Variants in CCDC28A observed in about 807,000 individuals in gnomAD.
CCDC28A encodes the protein coiled-coil domain containing 28A, also known as coiled-coil domain-containing protein 28A.
A neutral mutation model predicts 22.1 loss-of-function variants in CCDC28A; 24 were observed. The ratio of observed to expected loss-of-function variants is 1.09; its 90% CI spans 0.79 to 1.53. CCDC28A has a LOEUF of 1.53. CCDC28A is among the 40% of genes most tolerant of loss of function. The pLI, the probability that CCDC28A is intolerant of heterozygous loss-of-function variation, is 0.00. For synonymous variants in CCDC28A, 83 were observed against 74.7 expected, an observed-to-expected ratio of 1.11 and a Z score of -0.57; for missense variants, 170 against 210.7, an observed-to-expected ratio of 0.81 and a Z score of 1.20.
At chr6:138,783,794 C>G (rs1775055291) in intron 3 of CCDC28A, among the ~76,000 whole-genome samples, 1 of 151,376 alleles carries the variant, frequency 6.6e-6, no homozygotes, top group African/African-American at 2.4e-5. Flanking sequence ...TCTTGAACTC[C>G]TGGACTCAAG....
intron 3 of CCDC28A, among the ~76,000 whole-genome samples, chr6:138,781,222 A>T (rs1353375185): frequency 6.6e-6 from 1 of 152,184 alleles, no homozygotes; most frequent in Non-Finnish European, 1.5e-5. Flanking sequence ...AATCTCTCTA[A>T]TGCACCTAGG....
intron 3 of CCDC28A, among the ~76,000 whole-genome samples, chr6:138,780,221 C>T (rs1435379750): frequency 6.6e-6 from 1 of 152,102 alleles, no homozygotes; most frequent in East Asian, 1.9e-4. Context: ...GTAGGATTGC[C>T]ATTATGGAAT....
chr6:138,785,452 A>G (rs1775081415), intron 4 of CCDC28A, 71 bp downstream of exon 4: 8 of 1,113,212 alleles, frequency 7.2e-6, no homozygotes, highest in African/African-American at 6.2e-5. Context: ...CTTTTGAACT[A>G]TTTTAATGTA....
At chr6:138,791,107 CAG>C (rs1775162970) in intron 5 of CCDC28A, among the ~76,000 whole-genome samples, 1 of 152,040 alleles carries the variant, frequency 6.6e-6, no homozygotes, top group Non-Finnish European at 1.5e-5. Flanking sequence ...ATTTCTGAGA[CAG>C]GGCCTTGCTC....
intron 2 of CCDC28A, among the ~76,000 whole-genome samples, 156 bp downstream of exon 2, chr6:138,776,434 G>A (rs1361472824): frequency 6.6e-6 from 1 of 151,978 alleles, no homozygotes; most frequent in Non-Finnish European, 1.5e-5. Context: ...TGAAAGTTAC[G>A]GTGTATAGAT....
At chr6:138,784,008 G>A (rs925746091) in intron 3 of CCDC28A, among the ~76,000 whole-genome samples, 1 of 151,488 alleles carries the variant, frequency 6.6e-6, no homozygotes, top group Non-Finnish European at 1.5e-5. Flanking sequence ...CTCCCAAGTA[G>A]CTGGGATTAC....
In CCDC28A at chr6:138,776,263, G is replaced by C. The variant is rs369021139; in HGVS notation, c.143G>C (p.Arg48Pro). 1 of 1,612,924 alleles carries C rather than the reference G, an allele frequency of 6.2e-7. No individual in the cohort carries two copies. The highest frequency in any genetic ancestry group is 8.5e-7 in the Non-Finnish European group (1 of 1,179,136). Reference sequence around the variant, plus strand: ...CCTGCATCACAGTCAACTTCACAGCGACCAAAGTTAAAAAGGTGAATTCTT... The same window carrying C: ...CCTGCATCACAGTCAACTTCACAGCCACCAAAGTTAAAAAGGTGAATTCTT... ...SNPASQSTSQ[R>P]PKLKRVMKEK... The change falls in exon 2 of 6, where the codon CGA (arginine) becomes CCA (proline). Residue 48 changes from arginine to proline, a missense_variant. By Grantham distance (103) the Arg-to-Pro change is moderately radical. Coordinates refer to ENST00000617445, the MANE Select transcript of CCDC28A (RefSeq NM_015439.3).
At chr6:138,777,121 A>G (rs1256046311) in intron 2 of CCDC28A, among the ~76,000 whole-genome samples, 1 of 152,216 alleles carries the variant, frequency 6.6e-6, no homozygotes, top group Non-Finnish European at 1.5e-5. Flanking sequence ...GTATAATGTC[A>G]ATCTTCTTTC....
At chr6:138,781,057 C>T in intron 3 of CCDC28A, among the ~76,000 whole-genome samples, 1 of 152,166 alleles carries the variant, frequency 6.6e-6, no homozygotes, top group Non-Finnish European at 1.5e-5. Context: ...CCCATTCCCT[C>T]TTATCCCTTC....
At chr6:138,775,344 G>A (rs958578847) in intron 1 of CCDC28A, among the ~76,000 whole-genome samples, 4 of 152,190 alleles carry the variant, frequency 2.6e-5, no homozygotes, top group African/African-American at 9.7e-5. Context: ...GCATGGAAGG[G>A]CCATCTGTAA....
chr6:138,776,673 T>TAC (rs143048935), intron 2 of CCDC28A, among the ~76,000 whole-genome samples: 5 of 150,634 alleles, frequency 3.3e-5, no homozygotes, highest in Non-Finnish European at 5.9e-5. Flanking sequence ...TATTTTATTT[T>TAC]ACACACACAC....
At position 138,792,883 on chromosome 6, in the gene CCDC28A, C is replaced by A. The variant is rs1775193827; in HGVS notation, c.*80C>A. The A allele has an allele frequency of 3.5e-6, 3 of 866,166 alleles. No homozygotes were observed. Among genetic ancestry groups the A allele is most frequent in the African/African-American group, 3.3e-5 (2 of 60,022 alleles). 53.7% of individuals were successfully genotyped at this position (866,166 alleles called of 1,614,324 possible). On this transcript the variant is annotated 3_prime_UTR_variant, in exon 6 of 6. Transcript: ENST00000617445. ...TTCCAGCCAAATCCAGTAGCAGAAT[C>A]ATCTTCCACAACAAGGAATTAAAGT...
intron 4 of CCDC28A, among the ~76,000 whole-genome samples, chr6:138,787,031 A>G (rs564560468): frequency 6.6e-6 from 1 of 152,334 alleles, no homozygotes; most frequent in Non-Finnish European, 1.5e-5. Context: ...GAAACCAGAA[A>G]GGCTTCGTTT....
rs577538971 is a variant in CCDC28A at position 138,792,742 on chromosome 6, A to C, written c.501-7A>C. On this transcript the variant is annotated splice_polypyrimidine_tract_variant and splice_region_variant and intron_variant, in intron 5 of 5. Transcript: ENST00000617445. ...AGAATGAAAATCTTCTTAACTGATT[A>C]ATTCAGACAAAAACTCCATTTGGCA... 6.4e-7 allele frequency: 1 copy of C among 1,553,136 alleles called. No individual in the cohort carries two copies. The highest frequency in any genetic ancestry group is 8.9e-7 in the Non-Finnish European group (1 of 1,129,392).
Position 138,785,221 on chromosome 6 carries a change from C to T in CCDC28A, c.323-6C>T, listed in dbSNP as rs1305183932. ...ATCATTATTAATGTTCTGGAATGTT[C>T]CCAAGGAAATGAATGTTCCATTGAA... On this transcript the variant is annotated splice_polypyrimidine_tract_variant and splice_region_variant and intron_variant, in intron 3 of 5. Transcript: ENST00000617445. The T allele has an allele frequency of 6.2e-7, 1 of 1,609,450 alleles. No individual in the cohort carries two copies. Among genetic ancestry groups the T allele is most frequent in the South Asian group, 1.1e-5 (1 of 90,834 alleles).
At chr6:138,780,187 G>T (rs1171987221) in intron 3 of CCDC28A, among the ~76,000 whole-genome samples, 4 of 152,046 alleles carry the variant, frequency 2.6e-5, no homozygotes, top group Non-Finnish European at 4.4e-5. Flanking sequence ...TTTTTTAAGA[G>T]GGAGGGTTAG....
At chr6:138,776,698 T>TATATA (rs1562438067) in intron 2 of CCDC28A, among the ~76,000 whole-genome samples, 224 of 151,794 alleles carry the variant, frequency 1.5e-3, no homozygotes, top group African/African-American at 5.0e-3. Context: ...ATATATATAT[T>TATATA]TTTAAATATG....
chr6:138,781,822 TTG>T (rs1207652009), intron 3 of CCDC28A, among the ~76,000 whole-genome samples: 1 of 152,250 alleles, frequency 6.6e-6, no homozygotes, highest in Non-Finnish European at 1.5e-5. Flanking sequence ...ACCAAATTTG[TTG>T]TGTCTGTGCA....
In CCDC28A at chr6:138,786,904, C is replaced by T. The variant is rs572544800; in HGVS notation, c.478-1462C>T. ...GTGCTGGGATCACAAGTGTGAGCCACGGTGTCTGGCTTTACCAGTTCATGT... is the reference window on the plus strand; with the variant it reads ...GTGCTGGGATCACAAGTGTGAGCCATGGTGTCTGGCTTTACCAGTTCATGT... On this transcript the variant is annotated intron_variant, in intron 4 of 5. Coordinates refer to ENST00000617445, the MANE Select transcript of CCDC28A (RefSeq NM_015439.3). Among the ~76,000 whole-genome samples, 5 of 152,330 alleles carry T rather than the reference C, an allele frequency of 3.3e-5. No homozygotes were observed. The East Asian group carries it at 5.8e-4, about 18-fold the overall frequency.
Sources: allele counts gnomAD v4.1 joint callset (sites outside exome capture counted in the v4.1 genomes callset), GRCh38; gene constraint gnomAD v4.1.1; transcripts MANE v1.5; gene names NCBI Gene and HGNC (gene_info 2026-07-23, HGNC 2026-07-21).